Variants in EXOC6B observed in about 807,000 individuals in gnomAD.
The protein encoded by EXOC6B is SEC15 homolog B.
A neutral mutation model predicts 113.5 loss-of-function variants in EXOC6B; 54 were observed. That is an observed-to-expected ratio of 0.48 (90% CI 0.38 to 0.60). The LOEUF (loss-of-function observed/expected upper bound fraction) is 0.60. EXOC6B is among the 20% of genes least tolerant of loss of function. EXOC6B has a pLI of 0.00. For missense variants in EXOC6B, 797 were observed against 977.5 expected, an observed-to-expected ratio of 0.82 and a Z score of 2.46; for synonymous variants, 357 against 339.0, an observed-to-expected ratio of 1.05 and a Z score of -0.58.
chr2:72,813,471 T>C (rs1686035973), intron 1 of EXOC6B, among the ~76,000 whole-genome samples: 1 of 152,124 alleles, frequency 6.6e-6, no homozygotes, highest in Non-Finnish European at 1.5e-5. Context: ...TTTCTTGGGG[T>C]TTCAAGAGCT....
intron 6 of EXOC6B, among the ~76,000 whole-genome samples, chr2:72,582,261 C>T (rs1192836293): frequency 6.6e-6 from 1 of 152,026 alleles, no homozygotes; most frequent in Non-Finnish European, 1.5e-5. Context: ...GCTGTAATCC[C>T]AGCACTTTGG....
intron 5 of EXOC6B, 145 bp from the exon 6 acceptor site, chr2:72,718,452 T>G: frequency 2.0e-6 from 1 of 507,216 alleles, no homozygotes. Context: ...AATCTCAAAT[T>G]ATTAAAAACT....
intron 8 of EXOC6B, among the ~76,000 whole-genome samples, chr2:72,531,815 C>G (rs1242504116): frequency 6.6e-6 from 1 of 152,022 alleles, no homozygotes; most frequent in African/African-American, 2.4e-5. Context: ...GAAACCCTGT[C>G]TCTACTAAAA....
At chr2:72,618,282 T>C (rs1010163245) in intron 6 of EXOC6B, among the ~76,000 whole-genome samples, 6 of 151,960 alleles carry the variant, frequency 3.9e-5, no homozygotes, top group Admixed American at 3.9e-4. Context: ...GACAGGAGAA[T>C]CGTTTGAACC....
chr2:72,365,406 A>G (rs973540568), intron 19 of EXOC6B, among the ~76,000 whole-genome samples: 12 of 152,308 alleles, frequency 7.9e-5, no homozygotes, highest in Admixed American at 6.5e-4. Context: ...GATACTGGAC[A>G]AGAGGTAATG....
At chr2:72,619,044 G>A (rs573890622) in intron 6 of EXOC6B, among the ~76,000 whole-genome samples, 1 of 152,266 alleles carries the variant, frequency 6.6e-6, no homozygotes, top group East Asian at 1.9e-4. Flanking sequence ...GCTCTTAAAG[G>A]AAAGCCAACA....
chr2:72,187,069 G>A (rs1362147143), intron 20 of EXOC6B, among the ~76,000 whole-genome samples: 1 of 152,172 alleles, frequency 6.6e-6, no homozygotes, highest in Non-Finnish European at 1.5e-5. Context: ...CATGCTGGGT[G>A]CTGCCATGGG....
intron 20 of EXOC6B, among the ~76,000 whole-genome samples, chr2:72,230,278 G>C (rs758357487): frequency 2.0e-4 from 31 of 152,154 alleles, no homozygotes; most frequent in Non-Finnish European, 3.8e-4. Context: ...TCTGCTGAAT[G>C]TACTTTGATA....
At chr2:72,456,241 A>G (rs528853014) in intron 18 of EXOC6B, among the ~76,000 whole-genome samples, 1 of 152,318 alleles carries the variant, frequency 6.6e-6, no homozygotes, top group Non-Finnish European at 1.5e-5. Context: ...ATATGGAAGG[A>G]GAAAGACCAA....
intron 5 of EXOC6B, among the ~76,000 whole-genome samples, 199 bp from the exon 6 acceptor site, chr2:72,718,506 T>C (rs575764863): frequency 1.3e-5 from 2 of 152,286 alleles, no homozygotes; most frequent in African/African-American, 2.4e-5. Context: ...CAAAAAAAGA[T>C]TTTATCCAAA....
At chr2:72,615,758 T>TA (rs1558847140) in intron 6 of EXOC6B, among the ~76,000 whole-genome samples, 1 of 152,112 alleles carries the variant, frequency 6.6e-6, no homozygotes, top group African/African-American at 2.4e-5. Context: ...CTACTTATTT[T>TA]AAAAAATCAG....
chr2:72,672,675 G>T lies in EXOC6B; in HGVS notation c.669+45428C>A, dbSNP rs565853816. 4.6e-5 allele frequency among the ~76,000 whole-genome samples: 7 copies of T among 152,234 alleles called. No homozygotes were observed. The South Asian group carries it at 1.5e-3, about 32-fold the overall frequency. ...TGCAGCTACATGGATAGAACCAAAG[G>T]TCATTACATTAAGTGAAATAAGCCA... On this transcript the variant is annotated intron_variant, in intron 6 of 21. Transcript: ENST00000272427.
At chr2:72,820,163 T>C (rs1213866905) in intron 1 of EXOC6B, among the ~76,000 whole-genome samples, 1 of 152,146 alleles carries the variant, frequency 6.6e-6, no homozygotes, top group Admixed American at 6.5e-5. Context: ...CCTCAATTTG[T>C]TTCTTGTTTA....
At chr2:72,606,587 T>A (rs1177263812) in intron 6 of EXOC6B, among the ~76,000 whole-genome samples, 1 of 151,532 alleles carries the variant, frequency 6.6e-6, no homozygotes, top group Non-Finnish European at 1.5e-5. Context: ...GTTTAGAAGA[T>A]AATCACTTTC....
rs1334518622 is a variant in EXOC6B, at chr2:72,369,926, A to C, written c.2122+9803T>G. ...AAAAACCCTAGAAGAAAACCTAGGCAATACCATTCAGGACATAGGCATGGG... is the reference window on the plus strand; with the variant it reads ...AAAAACCCTAGAAGAAAACCTAGGCCATACCATTCAGGACATAGGCATGGG... On this transcript the variant is annotated intron_variant, in intron 19 of 21. Coordinates refer to ENST00000272427, the MANE Select transcript of EXOC6B (RefSeq NM_015189.3). 2.6e-5 allele frequency among the ~76,000 whole-genome samples: 4 copies of C among 152,236 alleles called. No individual in the cohort carries two copies. The East Asian group carries it at 7.7e-4, about 29-fold the overall frequency.
At chr2:72,266,446 G>C (rs62147632) in intron 20 of EXOC6B, among the ~76,000 whole-genome samples, 1 of 127,562 alleles carries the variant, frequency 7.8e-6, no homozygotes, top group African/African-American at 2.7e-5. Flanking sequence ...GTGTAAGGAA[G>C]GGATCCAGTT....
chr2:72,460,456 C>T (rs1302188212), intron 18 of EXOC6B, among the ~76,000 whole-genome samples: 1 of 151,866 alleles, frequency 6.6e-6, no homozygotes, highest in African/African-American at 2.4e-5. Flanking sequence ...GCAACCTACT[C>T]ATCTGACAAA....
At chr2:72,448,999 A>G (rs995420625) in intron 18 of EXOC6B, among the ~76,000 whole-genome samples, 20 of 152,214 alleles carry the variant, frequency 1.3e-4, no homozygotes, top group Non-Finnish European at 5.9e-5. Context: ...ACTGTGAAAA[A>G]AGACAAAAAT....
At chr2:72,237,988 G>C (rs1285086893) in intron 20 of EXOC6B, among the ~76,000 whole-genome samples, 1 of 151,978 alleles carries the variant, frequency 6.6e-6, no homozygotes, top group East Asian at 1.9e-4. Flanking sequence ...ATAATTACAG[G>C]ATTGTGCAAC....
Sources: gnomAD v4.1 joint callset for allele counts (sites outside exome capture counted in the v4.1 genomes callset) on GRCh38, gnomAD v4.1.1 for gene constraint, MANE v1.5 for transcripts, NCBI Gene and HGNC (gene_info 2026-07-23, HGNC 2026-07-21) for gene names.